UPF2: variants seen among roughly 807,000 people sequenced by gnomAD.
UPF2 encodes regulator of nonsense transcripts 2.
UPF2 carries 17 observed loss-of-function variants against 141.4 expected under a neutral mutation model. That is an observed-to-expected ratio of 0.12 (90% CI 0.08 to 0.18). The LOEUF (loss-of-function observed/expected upper bound fraction) is 0.18, where lower values mean the gene tolerates loss of function less well. Among genes scored for constraint, UPF2 ranks in the 10% least tolerant of loss-of-function variants. UPF2 has a pLI of 1.00. For synonymous variants in UPF2, 540 were observed against 498.0 expected (o/e 1.08, Z -1.12); for missense variants, 1,152 against 1,515.9 (o/e 0.76, Z 3.99).
At chr10:11,986,850 T>C (rs1037162599) in intron 8 of UPF2, among the ~76,000 whole-genome samples, 9 of 151,828 alleles carry the variant, frequency 5.9e-5, no homozygotes, top group Non-Finnish European at 1.5e-5. Flanking sequence ...CCAAATTGAG[T>C]GAAGGAGGAG....
At chr10:11,981,167 A>G (rs1434280204) in intron 8 of UPF2, among the ~76,000 whole-genome samples, 1 of 152,224 alleles carries the variant, frequency 6.6e-6, no homozygotes, top group African/African-American at 2.4e-5. Context: ...TGTCTCAAAA[A>G]GATTTAAAAA....
chr10:11,920,701 C>G lies in UPF2; in HGVS notation c.*597G>C, dbSNP rs1263182454. ...TTTTTCTCCCTCATCCCTTGTTCCT[C>G]TTGAAACAAATTCCTAAACAAAAGC... On this transcript the variant is annotated 3_prime_UTR_variant, in exon 22 of 22. Coordinates refer to ENST00000357604, the MANE Select transcript of UPF2 (RefSeq NM_015542.4). The G allele has an allele frequency of 3.8e-6, 1 of 259,874 alleles. No homozygotes were observed. Among genetic ancestry groups the G allele is most frequent in the Non-Finnish European group, 7.6e-6 (1 of 131,268 alleles). The allele number at this position is 259,874 out of a possible 1,614,324, so 16.1% of individuals were successfully genotyped here.
chr10:12,030,409 C>T (rs1182600461), intron 2 of UPF2, among the ~76,000 whole-genome samples: 2 of 151,912 alleles, frequency 1.3e-5, no homozygotes, highest in African/African-American at 4.8e-5. Context: ...TGGTGGGCAC[C>T]TGTAATCTCA....
rs1232334372 is a variant in UPF2 at position 11,955,494 on chromosome 10, T to G, written c.2588A>C (p.Lys863Thr). Residue 863 changes from lysine (K) to threonine (T), a missense_variant, in exon 14 of 22, where the codon AAA (lysine) becomes ACA (threonine). By Grantham distance (78) the Lys-to-Thr change is moderately conservative. Around this residue, in one of 4 missense-constraint regions of UPF2, gnomAD observed 739 missense variants for 1,032.2 expected, o/e 0.72. Coordinates refer to ENST00000357604, the MANE Select transcript of UPF2 (RefSeq NM_015542.4). ...IRLGMEVNQP[K>T]FNQRRISSAK... is the part of the protein sequence containing the mutation. The stretch of plus-strand genomic sequence containing the variant: ...ACTGCTGATGCGCCTCTGATTAAAT[T>G]TAGGTTGATTAACCTAAAAGGCAAC... 1 of 1,611,110 alleles carries G rather than the reference T, an allele frequency of 6.2e-7. No homozygotes were observed. Among genetic ancestry groups the G allele is most frequent in the Non-Finnish European group, 8.5e-7 (1 of 1,178,610 alleles).
At chr10:12,034,018 T>C (rs1409340396) in intron 2 of UPF2, among the ~76,000 whole-genome samples, 4 of 152,216 alleles carry the variant, frequency 2.6e-5, no homozygotes, top group Admixed American at 2.0e-4. Context: ...TGGAAGGCAT[T>C]GTGGAATTGT....
Position 11,998,647 on chromosome 10 carries a change from G to A in UPF2, c.1759-890C>T, listed in dbSNP as rs368082672. The stretch of plus-strand genomic sequence containing the variant: ...GTGGGTGGATCACGTGAGGTCAGGA[G>A]TTCAAGACCAGCCTGGCCAACATAG... On this transcript the variant is annotated intron_variant, in intron 7 of 21. Coordinates refer to ENST00000357604, the MANE Select transcript of UPF2 (RefSeq NM_015542.4). The surrounding 1 kb of genome is among the most constrained non-coding windows in gnomAD (Gnocchi z 4.5). Among the ~76,000 whole-genome samples, 58 of 152,276 alleles carry A rather than the reference G, an allele frequency of 3.8e-4. 1 individual carries two copies. In the East Asian group the frequency reaches 9.6e-3, roughly 25 times the overall value.
rs7079388 is a variant in UPF2, at chr10:12,004,547, T to C, written c.1487A>G (p.Asn496Ser). 195,822 of 1,612,514 alleles carry C rather than the reference T, an allele frequency of 0.12. 13,035 individuals are homozygous for C. Among genetic ancestry groups the C allele is most frequent in the Non-Finnish European group, 0.14 (159,674 of 1,179,180 alleles). The change falls in exon 5 of 22, where the codon AAC (asparagine) becomes AGC (serine). Residue 496 changes from asparagine (N) to serine (S), a missense_variant. By Grantham distance (46) the Asn-to-Ser change is conservative (BLOSUM62 1). This residue lies in a region of UPF2 where 739 missense variants were observed against 1,032.2 expected (regional missense o/e 0.72). Transcript: ENST00000357604. ...GAATTTACCTTTGGTATCATCTTTG[T>C]TGGACTCTTTATTCTGACAACTTTT... is the stretch of plus-strand genomic sequence containing the variant. Reference protein sequence around the residue: ...NEKSCQNKESNKDDTKEAKES... With the variant: ...NEKSCQNKESSKDDTKEAKES...
At chr10:12,005,591 CAG>C (rs1834022274) in intron 4 of UPF2, among the ~76,000 whole-genome samples, 1 of 152,040 alleles carries the variant, frequency 6.6e-6, no homozygotes, top group African/African-American at 2.4e-5. Flanking sequence ...TTTTTTTAAA[CAG>C]AGTTTTACTC....
At chr10:11,938,878 T>TTG in intron 18 of UPF2, among the ~76,000 whole-genome samples, 1 of 116,616 alleles carries the variant, frequency 8.6e-6, no homozygotes, top group African/African-American at 3.4e-5. Flanking sequence ...TTTTTTTTTT[T>TTG]TTTTGGAGAC....
chr10:11,927,963 C>T (rs886149694), intron 21 of UPF2, among the ~76,000 whole-genome samples: 2 of 152,176 alleles, frequency 1.3e-5, no homozygotes, highest in African/African-American at 4.8e-5. Flanking sequence ...CCATCTACAC[C>T]TGCTCCCCTG....
intron 2 of UPF2, among the ~76,000 whole-genome samples, 186 bp downstream of exon 2, chr10:12,034,873 A>G (rs1168360786): frequency 6.6e-6 from 1 of 152,218 alleles, no homozygotes; most frequent in Non-Finnish European, 1.5e-5. Context: ...ACTATTATTT[A>G]ATTTGAATAA....
At chr10:12,032,007 T>C (rs565809741) in intron 2 of UPF2, among the ~76,000 whole-genome samples, 84 of 152,246 alleles carry the variant, frequency 5.5e-4, no homozygotes, top group African/African-American at 1.9e-3. Flanking sequence ...AGAAAGTATG[T>C]ACAAGGCTGG....
intron 4 of UPF2, among the ~76,000 whole-genome samples, chr10:12,005,819 C>A (rs949031655): frequency 3.2e-4 from 48 of 152,202 alleles, no homozygotes; most frequent in African/African-American, 1.2e-3. Flanking sequence ...GATCCACCTG[C>A]CTCAGCCTCC....
intron 21 of UPF2, chr10:11,923,251 G>C (rs1171207651): frequency 1.3e-5 from 2 of 152,180 alleles, no homozygotes; most frequent in Non-Finnish European, 2.9e-5. Flanking sequence ...CCCTGTGCAA[G>C]GATGACATGC....
In UPF2 at chr10:11,921,134, G is replaced by C; in HGVS notation, c.*164C>G. ...GTCGGCTTGTTCCGGTGTTGGCAGA[G>C]GCTGGTGTTTCTGCCTCCTGGCCCC... On this transcript the variant is annotated 3_prime_UTR_variant, in exon 22 of 22. Transcript: ENST00000357604. The surrounding 1 kb of genome is among the most constrained non-coding windows in gnomAD (Gnocchi z 5.9). 1 of 929,658 alleles carries C rather than the reference G, an allele frequency of 1.1e-6. No homozygotes were observed. The highest frequency in any genetic ancestry group is 1.8e-6 in the Non-Finnish European group (1 of 555,970). The allele number at this position is 929,658 out of a possible 1,614,324, so 57.6% of individuals were successfully genotyped here.
intron 16 of UPF2, among the ~76,000 whole-genome samples, chr10:11,948,167 G>C (rs1238904643): frequency 7.0e-6 from 1 of 141,882 alleles, no homozygotes; most frequent in Non-Finnish European, 1.5e-5. Flanking sequence ...AGAATCACTT[G>C]AACCCAGGAG....
chr10:12,026,897 C>T (rs1834429319), intron 3 of UPF2, among the ~76,000 whole-genome samples: 1 of 152,068 alleles, frequency 6.6e-6, no homozygotes, highest in African/African-American at 2.4e-5. Context: ...AGATGATCCA[C>T]CCACCTTGGC....
chr10:11,991,048 A>C (rs953735200), intron 8 of UPF2, among the ~76,000 whole-genome samples: 3 of 152,044 alleles, frequency 2.0e-5, no homozygotes, highest in Non-Finnish European at 4.4e-5. Flanking sequence ...CTAACTCATG[A>C]TACGTAATAA....
chr10:11,989,968 C>A (rs754680090), intron 8 of UPF2, among the ~76,000 whole-genome samples: 1 of 152,180 alleles, frequency 6.6e-6, no homozygotes, highest in Non-Finnish European at 1.5e-5. Context: ...CCTGGCTTAT[C>A]CATTTTCTCA....
Sources: gnomAD v4.1 joint callset for allele counts (sites outside exome capture counted in the v4.1 genomes callset) on GRCh38, gnomAD v4.1.1 for gene constraint, gnomAD v4.1.1 regional missense constraint, Gnocchi (gnomAD v3.1) non-coding constraint, MANE v1.5 for transcripts, NCBI Gene and HGNC (gene_info 2026-07-23, HGNC 2026-07-21) for gene names.